Variants in IL1RAPL1 observed in about 807,000 individuals in gnomAD.
The protein encoded by IL1RAPL1 is interleukin 1 receptor accessory protein like 1, also known as interleukin-1 receptor accessory protein-like 1.
IL1RAPL1 carries 3 observed loss-of-function variants against 48.4 expected under a neutral mutation model. The ratio of observed to expected loss-of-function variants is 0.06; its 90% CI spans 0.03 to 0.16. The LOEUF is 0.16. Ranked by LOEUF, IL1RAPL1 falls within the 10% of genes least tolerant of loss-of-function variation. The probability of loss-of-function intolerance (pLI) is 1.00; values close to 1 mark genes in which losing one functional copy is unlikely to be tolerated. For missense variants in IL1RAPL1, 349 were observed against 530.6 expected, an observed-to-expected ratio of 0.66 and a Z score of 3.36; for synonymous variants, 185 against 187.7, an observed-to-expected ratio of 0.99 and a Z score of 0.12.
intron 2 of IL1RAPL1, among the ~76,000 whole-genome samples, chrX:28,860,649 G>C (rs1178858157): frequency 9.2e-6 from 1 of 109,278 alleles, no homozygotes; most frequent in Non-Finnish European, 1.9e-5. Flanking sequence ...AGTAGAGACG[G>C]GGTTTCACCA....
intron 6 of IL1RAPL1, among the ~76,000 whole-genome samples, chrX:29,672,007 A>G (rs1926153942): frequency 1.8e-5 from 2 of 112,242 alleles, no homozygotes; most frequent in African/African-American, 3.2e-5. Flanking sequence ...AATAGAGAGA[A>G]GAATCTTTTT....
chrX:28,631,278 A>C (rs1185747196), intron 1 of IL1RAPL1, among the ~76,000 whole-genome samples: 1 of 111,749 alleles, frequency 8.9e-6, no homozygotes. Context: ...TCCCACTAAG[A>C]TATGGCAGAG....
At chrX:29,605,491 C>T (rs1923864998) in intron 5 of IL1RAPL1, among the ~76,000 whole-genome samples, 1 of 110,824 alleles carries the variant, frequency 9.0e-6, no homozygotes, top group Non-Finnish European at 1.9e-5. Context: ...GGTTTTCCTA[C>T]ACATAGCACC....
At chrX:29,250,263 A>C (rs1246171467) in intron 2 of IL1RAPL1, among the ~76,000 whole-genome samples, 1 of 112,360 alleles carries the variant, frequency 8.9e-6, no homozygotes, top group East Asian at 2.8e-4. Context: ...ACAATTGAGA[A>C]ATAGAAACAA....
At chrX:28,769,239 A>G (rs1349599333) in intron 1 of IL1RAPL1, among the ~76,000 whole-genome samples, 1 of 110,870 alleles carries the variant, frequency 9.0e-6, no homozygotes, top group African/African-American at 3.3e-5. Flanking sequence ...CTTTCCAGCT[A>G]TACATGGGAA....
At chrX:28,744,197 T>C (rs906033003) in intron 1 of IL1RAPL1, among the ~76,000 whole-genome samples, 1 of 110,789 alleles carries the variant, frequency 9.0e-6, no homozygotes, top group Non-Finnish European at 1.9e-5. Context: ...GTAAAAAGAG[T>C]CTTTACATCT....
At chrX:29,845,939 G>GT (rs745765865) in intron 6 of IL1RAPL1, among the ~76,000 whole-genome samples, 2 of 110,461 alleles carry the variant, frequency 1.8e-5, no homozygotes, top group South Asian at 7.8e-4. Context: ...AACTCACTTA[G>GT]TATCATGAGG....
intron 6 of IL1RAPL1, among the ~76,000 whole-genome samples, chrX:29,670,098 G>T (rs1056650138): frequency 9.0e-6 from 1 of 111,286 alleles, no homozygotes; most frequent in South Asian, 3.7e-4. Context: ...ATAATGAAAA[G>T]AATTTTATGG....
intron 2 of IL1RAPL1, among the ~76,000 whole-genome samples, chrX:29,035,441 G>A (rs1429962908): frequency 8.9e-6 from 1 of 111,746 alleles, no homozygotes; most frequent in African/African-American, 3.3e-5. Context: ...AATGATGTTT[G>A]TAATTATGAT....
At chrX:28,588,270 A>ATATG (rs1313703876) in intron 1 of IL1RAPL1, among the ~76,000 whole-genome samples, 3 of 105,652 alleles carry the variant, frequency 2.8e-5, no homozygotes, top group Non-Finnish European at 5.9e-5. Flanking sequence ...GTGTGTGTGT[A>ATATG]TATGTATGTG....
At chrX:28,921,210 A>G (rs1001059763) in intron 2 of IL1RAPL1, among the ~76,000 whole-genome samples, 1 of 111,716 alleles carries the variant, frequency 9.0e-6, no homozygotes, top group Admixed American at 9.5e-5. Flanking sequence ...TAAAGACTAA[A>G]TGTGAATACT....
intron 5 of IL1RAPL1, among the ~76,000 whole-genome samples, chrX:29,569,266 GA>G (rs2147797243): frequency 9.1e-6 from 1 of 110,455 alleles, no homozygotes; most frequent in Non-Finnish European, 1.9e-5. Flanking sequence ...GAGTATGATT[GA>G]AAAAAATGTA....
At chrX:29,135,096 T>C (rs1254685068) in intron 2 of IL1RAPL1, among the ~76,000 whole-genome samples, 1 of 112,195 alleles carries the variant, frequency 8.9e-6, no homozygotes, top group African/African-American at 3.2e-5. Flanking sequence ...ATCTAAATAA[T>C]GATCTCATTA....
chrX:29,320,786 T>C (rs903019275), intron 3 of IL1RAPL1, among the ~76,000 whole-genome samples: 1 of 110,469 alleles, frequency 9.1e-6, no homozygotes, highest in Non-Finnish European at 1.9e-5. Context: ...GGAATGAATA[T>C]TATAATACTA....
chrX:29,317,793 T>TA (rs1409853456), intron 3 of IL1RAPL1, among the ~76,000 whole-genome samples: 2 of 112,294 alleles, frequency 1.8e-5, no homozygotes, highest in African/African-American at 6.5e-5. Context: ...ACAAAAATGA[T>TA]ACCACTTCCA....
intron 2 of IL1RAPL1, among the ~76,000 whole-genome samples, chrX:29,005,674 C>T (rs1026253840): frequency 8.1e-5 from 9 of 111,296 alleles, no homozygotes; most frequent in Admixed American, 5.8e-4. Context: ...CGAGTAAAGA[C>T]GTGTCTTAAT....
intron 2 of IL1RAPL1, among the ~76,000 whole-genome samples, chrX:29,058,350 C>T (rs1384793819): frequency 3.9e-5 from 4 of 103,275 alleles, no homozygotes; most frequent in Non-Finnish European, 8.3e-5. Flanking sequence ...GTACTCCAGC[C>T]TAGCGACAGA....
At chrX:29,651,817 T>C (rs1485966109) in intron 5 of IL1RAPL1, among the ~76,000 whole-genome samples, 1 of 111,935 alleles carries the variant, frequency 8.9e-6, no homozygotes, top group Non-Finnish European at 1.9e-5. Context: ...AATGCACTTG[T>C]TGATTAGTTA....
At chrX:29,513,437 C>G (rs995236513) in intron 5 of IL1RAPL1, among the ~76,000 whole-genome samples, 1 of 111,764 alleles carries the variant, frequency 8.9e-6, no homozygotes, top group African/African-American at 3.2e-5. Context: ...TTTAACCAAT[C>G]TCCAATTGAT....
Sources: gnomAD v4.1 joint callset for allele counts (sites outside exome capture counted in the v4.1 genomes callset) on GRCh38, gnomAD v4.1.1 for gene constraint, MANE v1.5 for transcripts, NCBI Gene and HGNC (gene_info 2026-07-23, HGNC 2026-07-21) for gene names.